Variants in CSMD3 observed in about 807,000 individuals in gnomAD.
CSMD3 encodes the protein CUB and Sushi multiple domains 3, also known as CUB and sushi domain-containing protein 3.
Under a neutral mutation model 435.2 loss-of-function variants are expected in CSMD3, and 177 were observed. The ratio of observed to expected loss-of-function variants is 0.41; its 90% confidence interval spans 0.36 to 0.46. The LOEUF is 0.46. Ranked by LOEUF, CSMD3 falls within the 20% of genes least tolerant of loss-of-function variation. CSMD3 has a pLI of 0.34. For synonymous variants in CSMD3, 1,656 were observed against 1,520.5 expected (o/e 1.09, Z -2.07); for missense variants, 4,265 against 4,504.6 (o/e 0.95, Z 1.52).
intron 5 of CSMD3, among the ~76,000 whole-genome samples, chr8:113,076,972 T>C (rs562230742): frequency 6.6e-6 from 1 of 152,188 alleles, no homozygotes; most frequent in East Asian, 1.9e-4. Flanking sequence ...TGCCAGGTAT[T>C]AGGGAGACAA....
At chr8:112,762,905 G>A (rs2077877547) in intron 13 of CSMD3, among the ~76,000 whole-genome samples, 1 of 151,690 alleles carries the variant, frequency 6.6e-6, no homozygotes, top group Non-Finnish European at 1.5e-5. Context: ...TGAAATCTTA[G>A]CGATGGTGTG....
rs147391325 is a variant in CSMD3, at chr8:112,408,992, G to A, written c.5436C>T (p.His1812=). The change falls in exon 33 of 71, where the codon CAC becomes CAT. Residue 1812 remains histidine (H), a synonymous_variant. Coordinates refer to ENST00000297405, the MANE Select transcript of CSMD3 (RefSeq NM_198123.2). The part of the protein sequence containing the change: ...GQFVFFQTSL[H]DVVEVYDGPT... ...GCCCATCATACACCTCAACAACATCGTGGAGTGATGTCTGGAAAAATACAA... is the reference window on the plus strand; with the variant it reads ...GCCCATCATACACCTCAACAACATCATGGAGTGATGTCTGGAAAAATACAA... The A allele has an allele frequency of 1.9e-5, 30 of 1,613,362 alleles. No individual in the cohort carries two copies. Among genetic ancestry groups the A allele is most frequent in the Non-Finnish European group, 2.2e-5 (26 of 1,179,674 alleles).
intron 53 of CSMD3, among the ~76,000 whole-genome samples, chr8:112,296,377 C>T (rs1165439550): frequency 6.6e-6 from 1 of 151,788 alleles, no homozygotes; most frequent in African/African-American, 2.4e-5. Context: ...CGATGAAACC[C>T]CGTCTCTACT....
Position 113,324,659 on chromosome 8 carries a change from G to A in CSMD3, c.179-9866C>T, listed in dbSNP as rs188459387. ...TAGTGCGGATAAGAAATGTGGTGTC[G>A]GAGTCCCCACACAGCGCTCCTACTG... On this transcript the variant is annotated intron_variant, in intron 1 of 70. Transcript: ENST00000297405. Among the ~76,000 whole-genome samples the A allele has an allele frequency of 2.4e-3, 361 of 152,218 alleles. 1 individual carries two copies. The highest frequency in any genetic ancestry group is 8.3e-3 in the African/African-American group (343 of 41,540).
At chr8:113,412,969 T>A (rs2094565997) in intron 1 of CSMD3, among the ~76,000 whole-genome samples, 1 of 152,042 alleles carries the variant, frequency 6.6e-6, no homozygotes, top group African/African-American at 2.4e-5. Flanking sequence ...AAACAGCAGT[T>A]CCTATTAGAT....
chr8:112,334,766 T>C (rs111827904), intron 45 of CSMD3, among the ~76,000 whole-genome samples: 2,077 of 152,286 alleles, frequency 0.014, 50 homozygotes, highest in African/African-American at 0.047. Context: ...CAAAGGATCC[T>C]ATACAATGAA....
Position 113,196,187 on chromosome 8 carries a change from T to G in CSMD3, c.515-22271A>C, listed in dbSNP as rs1350856737. Among the ~76,000 whole-genome samples, 3 of 151,152 alleles carry G rather than the reference T, an allele frequency of 2.0e-5. No individual in the cohort carries two copies. In the East Asian group the frequency reaches 5.8e-4, roughly 29 times the overall value. ...CAAATGTTTTTTGTACTCCTCTTAT[T>G]TTTTTCTTTTTATAGAGTCATGGGG... On this transcript the variant is annotated intron_variant, in intron 3 of 70. Coordinates refer to ENST00000297405, the MANE Select transcript of CSMD3 (RefSeq NM_198123.2).
At position 112,503,893 on chromosome 8, in the gene CSMD3, G is replaced by A. The variant is rs1822238725; in HGVS notation, c.4980C>T (p.Asp1660=). The change falls in exon 30 of 71, where the codon GAC becomes GAT. Residue 1660 remains aspartate (D), a synonymous_variant. Coordinates refer to ENST00000297405, the MANE Select transcript of CSMD3 (RefSeq NM_198123.2). Reference sequence around the variant, plus strand: ...TTTCTATTCTCTCTGGTAACTTGCTGTCTTGAAAACTTCCAATCAGTGGGC... The same window carrying A: ...TTTCTATTCTCTCTGGTAACTTGCTATCTTGAAAACTTCCAATCAGTGGGC... ...SNSPLIGSFQ[D]SKLPERIESS... is the part of the protein sequence containing the mutation. 1.2e-6 allele frequency: 2 copies of A among 1,612,466 alleles called. No homozygotes were observed. Among genetic ancestry groups the A allele is most frequent in the South Asian group, 2.2e-5 (2 of 91,044 alleles).
At chr8:112,313,760 G>C in intron 49 of CSMD3, 146 bp downstream of exon 49, 2 of 627,796 alleles carry the variant, frequency 3.2e-6, no homozygotes, top group Admixed American at 2.7e-5. Context: ...ATAGGAAATA[G>C]AGAGGTTACA....
intron 3 of CSMD3, among the ~76,000 whole-genome samples, chr8:113,263,553 T>C (rs963485643): frequency 3.3e-5 from 5 of 151,900 alleles, no homozygotes; most frequent in African/African-American, 1.2e-4. Context: ...ATTATGACTT[T>C]GCAAGAACTA....
At chr8:113,369,939 A>T (rs756875755) in intron 1 of CSMD3, among the ~76,000 whole-genome samples, 16 of 151,840 alleles carry the variant, frequency 1.1e-4, no homozygotes, top group Non-Finnish European at 2.2e-4. Context: ...TGTTGGTAAA[A>T]GGATACAAAA....
intron 24 of CSMD3, among the ~76,000 whole-genome samples, chr8:112,564,087 C>T (rs564223899): frequency 2.1e-4 from 32 of 151,632 alleles, no homozygotes; most frequent in Admixed American, 1.8e-3. Flanking sequence ...TTTTATTCTG[C>T]TGAACTTCCC....
intron 38 of CSMD3, among the ~76,000 whole-genome samples, chr8:112,358,173 A>T (rs971409775): frequency 6.6e-6 from 1 of 152,104 alleles, no homozygotes; most frequent in Non-Finnish European, 1.5e-5. Context: ...TTGAACTTGC[A>T]TGGGGCCTGT....
intron 13 of CSMD3, among the ~76,000 whole-genome samples, chr8:112,726,518 A>G (rs2076967442): frequency 6.6e-6 from 1 of 151,956 alleles, no homozygotes; most frequent in Non-Finnish European, 1.5e-5. Context: ...GAAGGTATAT[A>G]TATAAAAGAG....
At chr8:112,337,034 T>G (rs1824638277) in intron 43 of CSMD3, among the ~76,000 whole-genome samples, 1 of 152,198 alleles carries the variant, frequency 6.6e-6, no homozygotes, top group South Asian at 2.1e-4. Context: ...TGAGGTATAC[T>G]AAATAATTGT....
chr8:113,172,271 T>C (rs894706859), intron 4 of CSMD3, among the ~76,000 whole-genome samples: 4 of 152,202 alleles, frequency 2.6e-5, no homozygotes, highest in African/African-American at 9.6e-5. Context: ...AGAGCAATTA[T>C]TTTTAAATAT....
intron 2 of CSMD3, among the ~76,000 whole-genome samples, chr8:113,282,784 C>A (rs2093621928): frequency 6.6e-6 from 1 of 152,018 alleles, no homozygotes; most frequent in African/African-American, 2.4e-5. Flanking sequence ...CAAAGCAAGA[C>A]TAAGCAAAAG....
chr8:113,325,331 T>C (rs755171103), intron 1 of CSMD3, among the ~76,000 whole-genome samples: 1 of 152,132 alleles, frequency 6.6e-6, no homozygotes, highest in Non-Finnish European at 1.5e-5. Flanking sequence ...TGAGAGATAA[T>C]TGAATCATGG....
In CSMD3 at chr8:112,255,255, T is replaced by A. The variant is rs1191103138; in HGVS notation, c.10035A>T (p.Ile3345=). 1 of 1,610,944 alleles carries A rather than the reference T, an allele frequency of 6.2e-7. No individual in the cohort carries two copies. The highest frequency in any genetic ancestry group is 2.2e-5 in the East Asian group (1 of 44,826). ...GTWSGSSPHC[I]EPTQTSCENP... is the part of the protein sequence containing the mutation. The stretch of plus-strand genomic sequence containing the variant: ...TAATCAGCCTTTAATTAATATTACC[T>A]ATGCAGTGAGGTGATGAACCACTCC... Residue 3345 remains isoleucine (I), a splice_region_variant and synonymous_variant, in exon 62 of 71, where the codon ATA becomes ATT. Coordinates refer to ENST00000297405, the MANE Select transcript of CSMD3 (RefSeq NM_198123.2).
Sources: gnomAD v4.1 joint callset for allele counts (sites outside exome capture counted in the v4.1 genomes callset) on GRCh38, gnomAD v4.1.1 for gene constraint, MANE v1.5 for transcripts, NCBI Gene and HGNC (gene_info 2026-07-23, HGNC 2026-07-21) for gene names.